ABCC12: variants seen among roughly 807,000 people sequenced by gnomAD.
ABCC12 encodes ATP-binding cassette sub-family C member 12.
A neutral mutation model predicts 151.1 loss-of-function variants in ABCC12; 142 were observed. The ratio of observed to expected loss-of-function variants is 0.94; its 90% confidence interval spans 0.82 to 1.08. ABCC12 has a LOEUF of 1.08. Ranked by LOEUF, ABCC12 falls within the 50% of genes least tolerant of loss-of-function variation. The pLI is 0.00. For synonymous variants in ABCC12, 645 were observed against 646.4 expected (o/e 1.00, Z 0.03); for missense variants, 1,638 against 1,691.1 (o/e 0.97, Z 0.55).
intron 1 of ABCC12, among the ~76,000 whole-genome samples, chr16:48,155,296 A>T (rs2150689194): frequency 6.6e-6 from 1 of 152,166 alleles, no homozygotes; most frequent in Admixed American, 6.5e-5. Context: ...ACACATTCCG[A>T]CACGATCAAA....
At chr16:48,130,227 T>C (rs1277906844) in intron 10 of ABCC12, among the ~76,000 whole-genome samples, 1 of 152,216 alleles carries the variant, frequency 6.6e-6, no homozygotes, top group Admixed American at 6.5e-5. Flanking sequence ...TATATCCTTA[T>C]CATGTATAGA....
In ABCC12 at chr16:48,107,338, A is replaced by G. The variant is rs1243095725; in HGVS notation, c.2459T>C (p.Leu820Ser). 1.2e-6 allele frequency: 2 copies of G among 1,614,158 alleles called. No homozygotes were observed. Among genetic ancestry groups the G allele is most frequent in the South Asian group, 2.2e-5 (2 of 91,076 alleles). Reference protein sequence around the residue: ...AFSNWWLGLWLDKGSRMTCGP... With the variant: ...AFSNWWLGLWSDKGSRMTCGP... ...GAAACTCACCCGTGAGCCCTTGTCCAACCAGAGACCCAGCCACCAGTTGCT... is the reference window on the plus strand; with the variant it reads ...GAAACTCACCCGTGAGCCCTTGTCCGACCAGAGACCCAGCCACCAGTTGCT... Residue 820 changes from leucine to serine, a missense_variant, in exon 20 of 31, where the codon TTG (leucine) becomes TCG (serine). Transcript: ENST00000311303.
rs1352935085 is a variant in ABCC12, at chr16:48,083,328, T to G, written c.*387A>C. On this transcript the variant is annotated 3_prime_UTR_variant, in exon 31 of 31. Transcript: ENST00000311303. ...CTTCTGATAATGGGCAAGGAAACCTTGCAAACTCCATCCTAAGGCATTTTC... is the reference window on the plus strand; with the variant it reads ...CTTCTGATAATGGGCAAGGAAACCTGGCAAACTCCATCCTAAGGCATTTTC... 1.0e-5 allele frequency: 2 copies of G among 190,806 alleles called. No individual in the cohort carries two copies. The highest frequency in any genetic ancestry group is 4.7e-5 in the African/African-American group (2 of 42,358). The allele number at this position is 190,806 out of a possible 1,614,324, so 11.8% of individuals were successfully genotyped here. A position where few individuals can be genotyped will look rare whatever the true frequency, so the allele number is the denominator to read the frequency against.
In ABCC12 at chr16:48,083,721, T is replaced by C. The variant is rs762544475; in HGVS notation, c.4074A>G (p.Arg1358=). The C allele has an allele frequency of 6.2e-7, 1 of 1,614,152 alleles. No individual in the cohort carries two copies. The highest frequency in any genetic ancestry group is 1.1e-5 in the South Asian group (1 of 91,070). Residue 1358 remains arginine (R), a synonymous_variant, in exon 31 of 31, where the codon AGA becomes AGG. Coordinates refer to ENST00000311303, the MANE Select transcript of ABCC12 (RefSeq NM_001393797.1). The stretch of plus-strand genomic sequence containing the variant: ...GAATCAGCCGCCAGGACCTCTACAA[T>C]CTGACTTCTGCTGCTAGTAACATCG... ...AFAMLLAAEV[R]L
chr16:48,086,438 C>T (rs1299725313), intron 28 of ABCC12: 1 of 285,074 alleles, frequency 3.5e-6, no homozygotes, highest in Non-Finnish European at 6.7e-6. Context: ...GGGCATGTTA[C>T]TTCCCTGAGC....
intron 6 of ABCC12, among the ~76,000 whole-genome samples, chr16:48,140,185 T>C (rs2150671632): frequency 6.6e-6 from 1 of 152,242 alleles, no homozygotes; most frequent in Middle Eastern, 3.4e-3. Flanking sequence ...CAAGAGTTTT[T>C]GTTGTTGTTG....
At chr16:48,134,003 T>A (rs554839957) in intron 8 of ABCC12, among the ~76,000 whole-genome samples, 168 bp from the exon 9 acceptor site, 1 of 152,232 alleles carries the variant, frequency 6.6e-6, no homozygotes, top group East Asian at 1.9e-4. Context: ...ACCCAGCAGG[T>A]ACTCACAGCT....
rs939882647 is a variant in ABCC12 at position 48,141,260 on chromosome 16, C to T, written c.369G>A (p.Val123=). The change falls in exon 5 of 31, where the codon GTG becomes GTA. Residue 123 remains valine, a synonymous_variant. Coordinates refer to ENST00000311303, the MANE Select transcript of ABCC12 (RefSeq NM_001393797.1). ...HVVWKFQRTR[V]LMDIVANILC... ...GGATGTTGGCCACGATGTCCATCAA[C>T]ACGCGTGTCCTCTGGAATTTCCACA... 6.2e-7 allele frequency: 1 copy of T among 1,614,222 alleles called. No individual in the cohort carries two copies. Among genetic ancestry groups the T allele is most frequent in the African/African-American group, 1.3e-5 (1 of 75,050 alleles).
intron 15 of ABCC12, among the ~76,000 whole-genome samples, chr16:48,114,764 C>G (rs1312177183): frequency 6.6e-6 from 1 of 152,180 alleles, no homozygotes; most frequent in African/African-American, 2.4e-5. Flanking sequence ...GCAATCAGGA[C>G]GCCTTATGTG....
In ABCC12 at chr16:48,117,262, TCA is replaced by T; in HGVS notation, c.1782_1783del (p.Glu595AspfsTer17). 6.2e-7 allele frequency: 1 copy of T among 1,613,314 alleles called. No individual in the cohort carries two copies. Among genetic ancestry groups the T allele is most frequent in the Non-Finnish European group, 8.5e-7 (1 of 1,179,680 alleles). On this transcript the variant is annotated frameshift_variant and splice_region_variant, in exon 14 of 31. Coordinates refer to ENST00000311303, the MANE Select transcript of ABCC12 (RefSeq NM_001393797.1). LOFTEE classifies it high-confidence loss of function. ...GCTTGCGCTCCCAGCCCCGCTCACC[TCA>T]GTCAGGTCTCCATAGGGGAGGTTGC...
chr16:48,139,324 G>C lies in ABCC12; in HGVS notation c.670C>G (p.Leu224Val). ...AACAAAGAATAGCTATCACTTGACA[G>C]TATATTGAGCACCTGGAAAGAAAAG... ...HISVGEVLNI[L>V]SSDSYSLFEA... Residue 224 changes from leucine to valine, a missense_variant, in exon 7 of 31, where the codon CTG becomes GTG. By Grantham distance (32) the Leu-to-Val change is conservative (BLOSUM62 1). Coordinates refer to ENST00000311303, the MANE Select transcript of ABCC12 (RefSeq NM_001393797.1). 1.2e-6 allele frequency: 2 copies of C among 1,606,972 alleles called. No individual in the cohort carries two copies. Among genetic ancestry groups the C allele is most frequent in the Non-Finnish European group, 1.7e-6 (2 of 1,178,180 alleles).
chr16:48,100,546 T>C (rs546292619), intron 23 of ABCC12, among the ~76,000 whole-genome samples: 1 of 152,060 alleles, frequency 6.6e-6, no homozygotes, highest in South Asian at 2.1e-4. Flanking sequence ...TAGGTTTGGG[T>C]TTGGGGAGGG....
At chr16:48,114,197 C>T (rs932846103) in intron 15 of ABCC12, among the ~76,000 whole-genome samples, 1 of 152,166 alleles carries the variant, frequency 6.6e-6, no homozygotes, top group African/African-American at 2.4e-5. Flanking sequence ...GCGCAAAATT[C>T]GGATGCCTGG....
rs1963529886 is a variant in ABCC12, at chr16:48,107,357, A to C, written c.2440T>G (p.Trp814Gly). ...TTGTCCAACCAGAGACCCAGCCACC[A>C]GTTGCTGAAGGCAGCGCTGCCAATC... ...LMIGSAAFSNWWLGLWLDKGS... is the reference protein window; with the variant it reads ...LMIGSAAFSNGWLGLWLDKGS... The change falls in exon 20 of 31, where the codon TGG becomes GGG. Residue 814 changes from tryptophan to glycine, a missense_variant. Physicochemically the swap from Trp to Gly is radical, Grantham distance 184. Coordinates refer to ENST00000311303, the MANE Select transcript of ABCC12 (RefSeq NM_001393797.1). 2 of 1,614,148 alleles carry C rather than the reference A, an allele frequency of 1.2e-6. No individual in the cohort carries two copies. Among genetic ancestry groups the C allele is most frequent in the Non-Finnish European group, 1.7e-6 (2 of 1,180,008 alleles).
intron 2 of ABCC12, among the ~76,000 whole-genome samples, chr16:48,148,272 C>CT (rs1965064293): frequency 6.7e-6 from 1 of 150,346 alleles, no homozygotes; most frequent in Non-Finnish European, 1.5e-5. Context: ...GGATCTCACT[C>CT]TGTCGCCAGG....
chr16:48,110,695 G>T (rs956462070), intron 18 of ABCC12, among the ~76,000 whole-genome samples: 2 of 152,104 alleles, frequency 1.3e-5, no homozygotes, highest in African/African-American at 4.8e-5. Context: ...TCTCACCACA[G>T]TGTCCCCAGC....
chr16:48,111,349 C>T (rs1008913252), intron 18 of ABCC12, 87 bp downstream of exon 18: 15 of 1,440,230 alleles, frequency 1.0e-5, no homozygotes, highest in Admixed American at 1.7e-5. Flanking sequence ...AAATGACATG[C>T]ACAGTGTCTA....
At chr16:48,143,579 C>T (rs1567458321) in intron 4 of ABCC12, among the ~76,000 whole-genome samples, 1 of 152,172 alleles carries the variant, frequency 6.6e-6, no homozygotes. Context: ...ATTTTAGCTC[C>T]CATAATCTCC....
At chr16:48,154,828 C>A (rs1965162791) in intron 1 of ABCC12, among the ~76,000 whole-genome samples, 2 of 152,254 alleles carry the variant, frequency 1.3e-5, no homozygotes, top group African/African-American at 2.4e-5. Flanking sequence ...AGCAGGCACA[C>A]CTTTAGTCAT....
Sources: gnomAD v4.1 joint callset for allele counts (sites outside exome capture counted in the v4.1 genomes callset) on GRCh38, gnomAD v4.1.1 for gene constraint, MANE v1.5 for transcripts, NCBI Gene and HGNC (gene_info 2026-07-23, HGNC 2026-07-21) for gene names.